The following FHIT variants were observed in gnomAD, a reference collection of about 807,000 sequenced individuals.
FHIT encodes fragile histidine triad diadenosine triphosphatase, also known as bis(5'-adenosyl)-triphosphatase.
Under a neutral mutation model 17.9 loss-of-function variants are expected in FHIT, and 19 were observed. That is an observed-to-expected ratio of 1.06 (90% CI 0.74 to 1.56). The LOEUF is 1.56. FHIT is among the 40% of genes most tolerant of loss of function. The pLI, the probability that FHIT is intolerant of heterozygous loss-of-function variation, is 0.00. For missense variants in FHIT, 248 were observed against 189.2 expected, an observed-to-expected ratio of 1.31 and a Z score of -1.82; for synonymous variants, 81 against 69.7, an observed-to-expected ratio of 1.16 and a Z score of -0.81.
intron 5 of FHIT, among the ~76,000 whole-genome samples, chr3:60,149,787 C>G (rs576676425): frequency 6.6e-6 from 1 of 151,370 alleles, no homozygotes. Flanking sequence ...CCCTACCCCC[C>G]TACCCCCCTA....
chr3:60,290,938 C>T lies in FHIT; in HGVS notation c.103+245922G>A, dbSNP rs113104387. On this transcript the variant is annotated intron_variant, in intron 5 of 9. Transcript: ENST00000492590. ...CTCATGGGGGCTGGAGGAGTGAAGT[C>T]CAAAGGCTGGACTGAGAAAATCACT... is the stretch of plus-strand genomic sequence containing the variant. Among the ~76,000 whole-genome samples, 946 of 152,202 alleles carry T rather than the reference C, an allele frequency of 6.2e-3. 6 individuals carry two copies. The highest frequency in any genetic ancestry group is 0.022 in the African/African-American group (902 of 41,538).
chr3:60,988,947 A>T (rs1322915721), intron 3 of FHIT, among the ~76,000 whole-genome samples: 35 of 11,858 alleles, frequency 3.0e-3, no homozygotes, highest in African/African-American at 6.4e-3. Context: ...TGGCTTTGTT[A>T]AAAAAAAAAA....
chr3:59,837,484 C>G (rs976837685), intron 8 of FHIT, among the ~76,000 whole-genome samples: 5 of 152,168 alleles, frequency 3.3e-5, no homozygotes, highest in African/African-American at 9.6e-5. Context: ...CCCCCACCCC[C>G]CAAATATTTC....
At chr3:60,349,205 T>A (rs1281654890) in intron 5 of FHIT, among the ~76,000 whole-genome samples, 1 of 152,196 alleles carries the variant, frequency 6.6e-6, no homozygotes, top group Non-Finnish European at 1.5e-5. Context: ...ATTAAATTTG[T>A]ATGCACAGTC....
At chr3:60,164,054 A>G (rs537481168) in intron 5 of FHIT, among the ~76,000 whole-genome samples, 2 of 152,298 alleles carry the variant, frequency 1.3e-5, no homozygotes, top group South Asian at 4.1e-4. Flanking sequence ...GATTCCAACA[A>G]AAACATTTTT....
chr3:60,223,254 G>A (rs975676366), intron 5 of FHIT, among the ~76,000 whole-genome samples: 1 of 152,102 alleles, frequency 6.6e-6, no homozygotes, highest in Non-Finnish European at 1.5e-5. Context: ...CCTTTGAGGA[G>A]GTATTCATAT....
intron 2 of FHIT, among the ~76,000 whole-genome samples, chr3:61,098,352 C>A (rs1202486323): frequency 6.6e-6 from 1 of 152,088 alleles, no homozygotes; most frequent in Non-Finnish European, 1.5e-5. Flanking sequence ...GTCACTGTAG[C>A]CTCGTAGTAC....
At chr3:60,447,039 T>C (rs2031386788) in intron 5 of FHIT, among the ~76,000 whole-genome samples, 2 of 152,020 alleles carry the variant, frequency 1.3e-5, no homozygotes, top group Non-Finnish European at 2.9e-5. Context: ...AAAATTATGT[T>C]GCCCACAAGG....
intron 5 of FHIT, among the ~76,000 whole-genome samples, chr3:60,257,831 G>C (rs1005118255): frequency 1.3e-5 from 2 of 152,130 alleles, no homozygotes; most frequent in Non-Finnish European, 2.9e-5. Context: ...ACCTGTAAGT[G>C]GGAGCTGAAT....
At chr3:60,220,393 GT>G (rs1163602400) in intron 5 of FHIT, among the ~76,000 whole-genome samples, 1 of 151,836 alleles carries the variant, frequency 6.6e-6, no homozygotes, top group African/African-American at 2.4e-5. Flanking sequence ...TATTATTAAA[GT>G]TATATTCCTC....
intron 3 of FHIT, among the ~76,000 whole-genome samples, chr3:60,855,358 T>G (rs547831158): frequency 6.6e-6 from 1 of 152,152 alleles, no homozygotes; most frequent in Non-Finnish European, 1.5e-5. Flanking sequence ...TAAAAAGTCA[T>G]AGTTGCAAGA....
intron 5 of FHIT, among the ~76,000 whole-genome samples, chr3:60,254,852 A>T (rs1222379562): frequency 6.6e-6 from 1 of 152,168 alleles, no homozygotes; most frequent in Non-Finnish European, 1.5e-5. Flanking sequence ...GGATTTTCCT[A>T]ATGGGAATAT....
chr3:61,061,326 G>A (rs549343961), intron 2 of FHIT, among the ~76,000 whole-genome samples: 2 of 152,190 alleles, frequency 1.3e-5, no homozygotes, highest in East Asian at 3.9e-4. Context: ...CTTGGTTACA[G>A]GTAAGTGCCT....
intron 1 of FHIT, among the ~76,000 whole-genome samples, chr3:61,223,212 A>T (rs898016185): frequency 1.3e-5 from 2 of 152,170 alleles, no homozygotes; most frequent in East Asian, 3.8e-4. Flanking sequence ...CATTCGACAA[A>T]TTTTCATTTT....
intron 4 of FHIT, among the ~76,000 whole-genome samples, chr3:60,754,603 C>T (rs1373069006): frequency 6.6e-6 from 1 of 152,018 alleles, no homozygotes; most frequent in Non-Finnish European, 1.5e-5. Context: ...TGCACTCCAG[C>T]CTGGGTGAGA....
chr3:59,971,733 C>T (rs1708193354), intron 7 of FHIT, among the ~76,000 whole-genome samples: 1 of 152,142 alleles, frequency 6.6e-6, no homozygotes, highest in Admixed American at 6.5e-5. Context: ...CAGGTTGCCC[C>T]ATTCACTCAT....
At chr3:60,392,761 C>A (rs1026184162) in intron 5 of FHIT, among the ~76,000 whole-genome samples, 1 of 152,128 alleles carries the variant, frequency 6.6e-6, no homozygotes, top group Non-Finnish European at 1.5e-5. Flanking sequence ...ATAATTATAG[C>A]AGTGGCTACC....
At chr3:59,980,566 C>G (rs1708608312) in intron 7 of FHIT, among the ~76,000 whole-genome samples, 1 of 152,134 alleles carries the variant, frequency 6.6e-6, no homozygotes, top group Non-Finnish European at 1.5e-5. Flanking sequence ...AGTGGAGCTC[C>G]TGGATCACAA....
rs551396964 is a variant in FHIT at position 60,068,000 on chromosome 3, C to T, written c.104-53848G>A. On this transcript the variant is annotated intron_variant, in intron 5 of 9. Transcript: ENST00000492590. Reference sequence around the variant, plus strand: ...CCTGTAATCCCAGCACTTTGGGAGGCCAAGGTGGGTGGATCATATGAGGCC... The same window carrying T: ...CCTGTAATCCCAGCACTTTGGGAGGTCAAGGTGGGTGGATCATATGAGGCC... 5.7e-4 allele frequency among the ~76,000 whole-genome samples: 86 copies of T among 152,212 alleles called. No homozygotes were observed. The Middle Eastern group carries it at 0.014, about 24-fold the overall frequency.
Sources: allele counts gnomAD v4.1 joint callset (sites outside exome capture counted in the v4.1 genomes callset), GRCh38; gene constraint gnomAD v4.1.1; transcripts MANE v1.5; gene names NCBI Gene and HGNC (gene_info 2026-07-23, HGNC 2026-07-21).